The following FSTL4 variants were observed in gnomAD, a reference collection of about 807,000 sequenced individuals.
FSTL4 encodes the protein follistatin-related protein 4.
Under a neutral mutation model 78.2 loss-of-function variants are expected in FSTL4, and 28 were observed. The observed-to-expected ratio is 0.36, with a 90% CI of 0.27 to 0.49. FSTL4 has a LOEUF of 0.49. Ranked by LOEUF, FSTL4 falls within the 20% of genes least tolerant of loss-of-function variation. The pLI is 0.98. For synonymous variants in FSTL4, 422 were observed against 440.5 expected, an observed-to-expected ratio of 0.96 and a Z score of 0.53; for missense variants, 922 against 1,084.9, an observed-to-expected ratio of 0.85 and a Z score of 2.11.
the FSTL4 span, among the ~76,000 whole-genome samples, chr5:133,730,705 G>A: frequency 1.3e-5 from 2 of 152,200 alleles, no homozygotes; most frequent in East Asian, 1.9e-4. Context: ...CCATCGAGGA[G>A]AGGCATGCAA....
At chr5:133,401,548 TC>T (rs1460778635) in intron 3 of FSTL4, among the ~76,000 whole-genome samples, 7 of 152,196 alleles carry the variant, frequency 4.6e-5, no homozygotes, top group Non-Finnish European at 1.0e-4. Context: ...CCAGGCTGTG[TC>T]TTAGGCACCT....
At chr5:133,803,515 T>C in the FSTL4 span, among the ~76,000 whole-genome samples, 1 of 152,078 alleles carries the variant, frequency 6.6e-6, no homozygotes, top group Admixed American at 6.5e-5. Context: ...TCTCCCCAAG[T>C]CCAAGAGCAC....
the FSTL4 span, among the ~76,000 whole-genome samples, chr5:133,750,722 A>G: frequency 6.6e-6 from 1 of 151,612 alleles, no homozygotes; most frequent in African/African-American, 2.4e-5. Flanking sequence ...CTACTAAAAC[A>G]CCCCCAGATG....
intron 3 of FSTL4, among the ~76,000 whole-genome samples, chr5:133,513,820 G>A (rs771650712): frequency 2.0e-5 from 3 of 152,162 alleles, no homozygotes; most frequent in Non-Finnish European, 2.9e-5. Flanking sequence ...GGTCCTCTCT[G>A]AGAATGATCT....
chr5:133,831,152 T>A, the FSTL4 span, among the ~76,000 whole-genome samples: 1 of 152,162 alleles, frequency 6.6e-6, no homozygotes, highest in African/African-American at 2.4e-5. Context: ...ACAAGGTACA[T>A]GGATTTAAGC....
intron 3 of FSTL4, among the ~76,000 whole-genome samples, chr5:133,525,923 T>C (rs766136644): frequency 6.6e-6 from 1 of 152,158 alleles, no homozygotes; most frequent in Non-Finnish European, 1.5e-5. Flanking sequence ...AATATGTCTG[T>C]CAAAGACATA....
rs1427865739 is a variant in FSTL4 at position 133,338,516 on chromosome 5, G to C, written c.410-21864C>G. 6.6e-6 allele frequency among the ~76,000 whole-genome samples: 1 copy of C among 152,074 alleles called. No homozygotes were observed. Among genetic ancestry groups the C allele is most frequent in the Non-Finnish European group, 1.5e-5 (1 of 68,022 alleles). On this transcript the variant is annotated intron_variant, in intron 4 of 15. Coordinates refer to ENST00000265342, the MANE Select transcript of FSTL4 (RefSeq NM_015082.2). The surrounding 1 kb of genome is among the most constrained non-coding windows in gnomAD (Gnocchi z 4.0). ...ATAAGCTATACAGAAACTTCCCTCT[G>C]CTCCCCCATGGATACTCGGTTCCCT... is the stretch of plus-strand genomic sequence containing the variant.
chr5:133,288,891 T>A (rs1182899089), intron 6 of FSTL4, among the ~76,000 whole-genome samples: 1 of 152,002 alleles, frequency 6.6e-6, no homozygotes. Context: ...AGGAAAACTG[T>A]CTGCTCTCTT....
chr5:133,312,836 G>C, intron 5 of FSTL4, 59 bp from the exon 6 acceptor site: 14 of 1,569,436 alleles, frequency 8.9e-6, no homozygotes, highest in Non-Finnish European at 1.2e-5. Flanking sequence ...CATAGGCATT[G>C]ATGAAAATGA....
At chr5:133,719,534 G>A in the FSTL4 span, among the ~76,000 whole-genome samples, 6 of 151,974 alleles carry the variant, frequency 3.9e-5, no homozygotes, top group East Asian at 3.9e-4. Context: ...TTAGCCAGGC[G>A]TAGTGGCACA....
the FSTL4 span, among the ~76,000 whole-genome samples, chr5:133,691,352 G>T: frequency 3.3e-5 from 5 of 152,128 alleles, no homozygotes; most frequent in African/African-American, 1.2e-4. Flanking sequence ...TCTCTCCAGG[G>T]TCTGTATTCT....
intron 3 of FSTL4, among the ~76,000 whole-genome samples, chr5:133,540,748 AAAAC>A (rs1217712711): frequency 1.3e-5 from 2 of 151,882 alleles, no homozygotes; most frequent in Admixed American, 6.6e-5. Flanking sequence ...AAGAAAGAAA[AAAAC>A]AAACAAAAAA....
intron 3 of FSTL4, among the ~76,000 whole-genome samples, chr5:133,461,449 G>A (rs1757589256): frequency 6.6e-6 from 1 of 152,136 alleles, no homozygotes. Flanking sequence ...TAACTCTACA[G>A]TGCAATCTCC....
intron 3 of FSTL4, among the ~76,000 whole-genome samples, chr5:133,541,950 A>ACACACACACACACACACACACT (rs1554069684): frequency 6.6e-6 from 1 of 150,964 alleles, no homozygotes; most frequent in Non-Finnish European, 1.5e-5. Context: ...ACACACACAC[A>ACACACACACACACACACACACT]CTCTTAACTT....
At chr5:133,594,156 A>G (rs1338778020) in intron 2 of FSTL4, among the ~76,000 whole-genome samples, 1 of 152,220 alleles carries the variant, frequency 6.6e-6, no homozygotes, top group Admixed American at 6.5e-5. Flanking sequence ...CCTAAGCCAT[A>G]CTGCCAGGCA....
the FSTL4 span, among the ~76,000 whole-genome samples, chr5:133,684,317 G>A: frequency 6.6e-6 from 1 of 152,180 alleles, no homozygotes; most frequent in African/African-American, 2.4e-5. Context: ...TCAATGGCTG[G>A]GGAGGGAGGG....
the FSTL4 span, among the ~76,000 whole-genome samples, chr5:133,709,147 G>C: frequency 6.6e-6 from 1 of 152,294 alleles, no homozygotes; most frequent in South Asian, 2.1e-4. Context: ...AGGCAGGAAG[G>C]CCATCTCTTC....
chr5:133,638,252 G>C, the FSTL4 span, among the ~76,000 whole-genome samples: 9 of 152,138 alleles, frequency 5.9e-5, no homozygotes, highest in East Asian at 1.5e-3. Context: ...ACTCTCAGTT[G>C]CATCCGGAGC....
chr5:133,753,764 C>G, the FSTL4 span, among the ~76,000 whole-genome samples: 1 of 149,230 alleles, frequency 6.7e-6, no homozygotes, highest in African/African-American at 2.5e-5. Flanking sequence ...CATTCTGTGA[C>G]CATAACCAAC....
Sources: allele counts gnomAD v4.1 joint callset (sites outside exome capture counted in the v4.1 genomes callset), GRCh38; gene constraint gnomAD v4.1.1; non-coding constraint Gnocchi (gnomAD v3.1); transcripts MANE v1.5; gene names NCBI Gene and HGNC (gene_info 2026-07-23, HGNC 2026-07-21).